KCTD8: variants seen among roughly 807,000 people sequenced by gnomAD.
KCTD8 encodes BTB/POZ domain-containing protein KCTD8.
KCTD8 carries 27 observed loss-of-function variants against 31.5 expected under a neutral mutation model. The observed-to-expected ratio is 0.86, with a 90% CI of 0.63 to 1.18. The LOEUF (loss-of-function observed/expected upper bound fraction) is 1.18, where lower values mean the gene tolerates loss of function less well. Ranked by LOEUF, KCTD8 falls within the 50% of genes most tolerant of loss-of-function variation. KCTD8 has a pLI of 0.00. For missense variants in KCTD8, 658 were observed against 647.7 expected, an observed-to-expected ratio of 1.02 and a Z score of -0.17; for synonymous variants, 290 against 280.0, an observed-to-expected ratio of 1.04 and a Z score of -0.36.
intron 1 of KCTD8, among the ~76,000 whole-genome samples, chr4:44,346,808 A>G (rs1458707914): frequency 1.3e-5 from 2 of 152,228 alleles, no homozygotes; most frequent in African/African-American, 2.4e-5. Flanking sequence ...TAAAGGAAAT[A>G]TATATCTTCA....
intron 1 of KCTD8, among the ~76,000 whole-genome samples, chr4:44,238,738 TAA>T (rs1715362449): frequency 6.6e-6 from 1 of 152,194 alleles, no homozygotes; most frequent in East Asian, 1.9e-4. Flanking sequence ...CTAGTGGCCT[TAA>T]GTTTTTAAAA....
chr4:44,314,059 A>C (rs1216338502), intron 1 of KCTD8, among the ~76,000 whole-genome samples: 1 of 152,214 alleles, frequency 6.6e-6, no homozygotes, highest in Non-Finnish European at 1.5e-5. Context: ...AAGTAAAATT[A>C]ATGAAGTTAA....
intron 1 of KCTD8, among the ~76,000 whole-genome samples, chr4:44,240,017 A>T (rs1312569500): frequency 6.6e-6 from 1 of 152,220 alleles, no homozygotes; most frequent in Non-Finnish European, 1.5e-5. Context: ...CAGAGATGCA[A>T]CCTAATACTG....
chr4:44,213,508 AT>A, intron 1 of KCTD8, among the ~76,000 whole-genome samples: 1 of 152,286 alleles, frequency 6.6e-6, no homozygotes, highest in Non-Finnish European at 1.5e-5. Context: ...GAAGTTCATT[AT>A]TATCTGTTCC....
chr4:44,344,251 C>T (rs565823911), intron 1 of KCTD8, among the ~76,000 whole-genome samples: 2 of 152,086 alleles, frequency 1.3e-5, no homozygotes, highest in Non-Finnish European at 2.9e-5. Context: ...GTGTTAAAAT[C>T]GTAGCTCACT....
At chr4:44,254,117 C>A (rs929750357) in intron 1 of KCTD8, among the ~76,000 whole-genome samples, 1 of 151,810 alleles carries the variant, frequency 6.6e-6, no homozygotes, top group Non-Finnish European at 1.5e-5. Flanking sequence ...GATTTCCATG[C>A]AGAATATTGA....
At chr4:44,375,631 T>C (rs906146952) in intron 1 of KCTD8, among the ~76,000 whole-genome samples, 1 of 152,098 alleles carries the variant, frequency 6.6e-6, no homozygotes, top group Non-Finnish European at 1.5e-5. Flanking sequence ...ACCGAAAACC[T>C]TTTATTGCCA....
At chr4:44,308,941 G>T (rs1013207079) in intron 1 of KCTD8, among the ~76,000 whole-genome samples, 1 of 152,062 alleles carries the variant, frequency 6.6e-6, no homozygotes, top group Non-Finnish European at 1.5e-5. Context: ...ACAGCATCTA[G>T]AGAACATAGT....
intron 1 of KCTD8, among the ~76,000 whole-genome samples, chr4:44,257,703 T>C (rs1254543849): frequency 6.6e-6 from 1 of 151,986 alleles, no homozygotes; most frequent in Non-Finnish European, 1.5e-5. Flanking sequence ...ATGTCATCGG[T>C]GCCAGCTGCT....
At chr4:44,297,942 A>G (rs1265504365) in intron 1 of KCTD8, among the ~76,000 whole-genome samples, 1 of 152,102 alleles carries the variant, frequency 6.6e-6, no homozygotes, top group African/African-American at 2.4e-5. Flanking sequence ...TAGGATCAAC[A>G]TCCTTTTCAT....
At chr4:44,268,078 GA>G (rs1250703236) in intron 1 of KCTD8, among the ~76,000 whole-genome samples, 1 of 152,192 alleles carries the variant, frequency 6.6e-6, no homozygotes, top group Non-Finnish European at 1.5e-5. Flanking sequence ...AAGCCTGGCA[GA>G]GACACAACCA....
chr4:44,434,827 C>T (rs911324246), intron 1 of KCTD8, among the ~76,000 whole-genome samples: 37 of 151,786 alleles, frequency 2.4e-4, no homozygotes, highest in African/African-American at 8.2e-4. Context: ...ACTCGACTGG[C>T]CAGAATGCCC....
intron 1 of KCTD8, among the ~76,000 whole-genome samples, chr4:44,299,772 CTT>C (rs576621306): frequency 2.2e-5 from 3 of 134,504 alleles, no homozygotes; most frequent in Admixed American, 7.7e-5. Context: ...TTTTCCTTTT[CTT>C]TTTTTTTTTT....
chr4:44,384,532 A>G (rs1720157895), intron 1 of KCTD8, among the ~76,000 whole-genome samples: 1 of 151,962 alleles, frequency 6.6e-6, no homozygotes, highest in South Asian at 2.1e-4. Context: ...AGGCACAGAA[A>G]GATAAATATC....
intron 1 of KCTD8, among the ~76,000 whole-genome samples, chr4:44,238,821 G>A (rs1715365357): frequency 6.6e-6 from 1 of 152,080 alleles, no homozygotes; most frequent in African/African-American, 2.4e-5. Context: ...AATTAACATA[G>A]TAGCATTATT....
At chr4:44,396,460 T>TG (rs1200547344) in intron 1 of KCTD8, among the ~76,000 whole-genome samples, 2 of 152,026 alleles carry the variant, frequency 1.3e-5, no homozygotes, top group Non-Finnish European at 2.9e-5. Context: ...AGTTGTTTTT[T>TG]TTTTTCTTTT....
chr4:44,264,879 G>A (rs965853363), intron 1 of KCTD8, among the ~76,000 whole-genome samples: 2 of 152,214 alleles, frequency 1.3e-5, no homozygotes, highest in African/African-American at 4.8e-5. Flanking sequence ...GGTAAACAAA[G>A]CAGCTGGGAA....
intron 1 of KCTD8, among the ~76,000 whole-genome samples, chr4:44,288,094 C>G (rs1365032908): frequency 2.0e-5 from 3 of 152,022 alleles, no homozygotes; most frequent in African/African-American, 7.2e-5. Flanking sequence ...TCTTAGTGCC[C>G]TTAGTATCTT....
intron 1 of KCTD8, among the ~76,000 whole-genome samples, chr4:44,276,644 T>A (rs980901379): frequency 6.6e-6 from 1 of 152,004 alleles, no homozygotes; most frequent in Non-Finnish European, 1.5e-5. Flanking sequence ...TTTGTGTGTA[T>A]GTGTTTTAAA....
Sources: gnomAD v4.1 joint callset for allele counts (sites outside exome capture counted in the v4.1 genomes callset) on GRCh38, gnomAD v4.1.1 for gene constraint, MANE v1.5 for transcripts, NCBI Gene and HGNC (gene_info 2026-07-23, HGNC 2026-07-21) for gene names.